The following NCKAP5 variants were observed in gnomAD, a reference collection of about 807,000 sequenced individuals.
The protein encoded by NCKAP5 is NCK associated protein 5.
In NCKAP5, 92 loss-of-function variants were observed where a neutral mutation model predicts 167.0. The ratio of observed to expected loss-of-function variants is 0.55; its 90% confidence interval spans 0.47 to 0.66. NCKAP5 has a LOEUF of 0.66. Ranked by LOEUF, NCKAP5 falls within the 30% of genes least tolerant of loss-of-function variation. The probability of loss-of-function intolerance (pLI) is 0.00; values close to 1 mark genes in which losing one functional copy is unlikely to be tolerated. For missense variants in NCKAP5, 2,378 were observed against 2,315.0 expected, an observed-to-expected ratio of 1.03 and a Z score of -0.56; for synonymous variants, 891 against 877.4, an observed-to-expected ratio of 1.02 and a Z score of -0.27.
At chr2:133,605,886 G>A in the NCKAP5 span, among the ~76,000 whole-genome samples, 1 of 152,180 alleles carries the variant, frequency 6.6e-6, no homozygotes, top group South Asian at 2.1e-4. Context: ...GAAAAGGGGG[G>A]CAGGAGGCTC....
chr2:133,325,828 T>C (rs2150696674), intron 3 of NCKAP5, among the ~76,000 whole-genome samples: 1 of 152,328 alleles, frequency 6.6e-6, no homozygotes, highest in East Asian at 1.9e-4. Flanking sequence ...GCCTCCCAAC[T>C]TCAGCATTTG....
At chr2:133,548,271 T>C (rs1404138475) in intron 2 of NCKAP5, among the ~76,000 whole-genome samples, 2 of 151,990 alleles carry the variant, frequency 1.3e-5, no homozygotes, top group Non-Finnish European at 2.9e-5. Context: ...CTGAAAGTGA[T>C]GGGGAGAATG....
chr2:133,564,010 T>G (rs908952960), intron 1 of NCKAP5, among the ~76,000 whole-genome samples: 1 of 152,154 alleles, frequency 6.6e-6, no homozygotes, highest in Non-Finnish European at 1.5e-5. Flanking sequence ...GGCAGGCACC[T>G]GTAATCACAG....
At chr2:133,130,516 A>G (rs561277331) in intron 5 of NCKAP5, among the ~76,000 whole-genome samples, 1 of 152,342 alleles carries the variant, frequency 6.6e-6, no homozygotes, top group East Asian at 1.9e-4. Context: ...ATATCCTTGA[A>G]AGAGAAAATT....
intron 7 of NCKAP5, 116 bp from the exon 8 acceptor site, chr2:132,963,985 T>A: frequency 8.5e-7 from 1 of 1,179,442 alleles, no homozygotes; most frequent in Non-Finnish European, 1.2e-6. Flanking sequence ...GGGCTGGGAG[T>A]TTGCTAAACA....
At chr2:132,909,342 T>C (rs1162362954) in intron 8 of NCKAP5, among the ~76,000 whole-genome samples, 1 of 152,012 alleles carries the variant, frequency 6.6e-6, no homozygotes, top group Non-Finnish European at 1.5e-5. Flanking sequence ...CAATACTCCA[T>C]CTCAAAAAAA....
chr2:132,996,488 C>G (rs947140290), intron 6 of NCKAP5, among the ~76,000 whole-genome samples: 25 of 152,190 alleles, frequency 1.6e-4, no homozygotes, highest in African/African-American at 5.1e-4. Flanking sequence ...ATATTTCAAC[C>G]CTCTTTTCAA....
intron 19 of NCKAP5, among the ~76,000 whole-genome samples, chr2:132,691,414 C>T (rs1369033048): frequency 6.6e-6 from 1 of 152,132 alleles, no homozygotes; most frequent in African/African-American, 2.4e-5. Flanking sequence ...TTCTTCTCCA[C>T]ACTATTTCTC....
intron 3 of NCKAP5, among the ~76,000 whole-genome samples, chr2:133,403,037 T>G (rs1384998994): frequency 6.6e-6 from 1 of 152,222 alleles, no homozygotes; most frequent in Non-Finnish European, 1.5e-5. Context: ...TGAAGAAAGA[T>G]TCCCAAGCTC....
chr2:133,437,766 T>C (rs1242176471), intron 3 of NCKAP5, among the ~76,000 whole-genome samples: 1 of 152,192 alleles, frequency 6.6e-6, no homozygotes, highest in African/African-American at 2.4e-5. Context: ...AGTTAAGTTA[T>C]TTAAACTCTC....
chr2:133,346,440 A>C (rs1053676648), intron 3 of NCKAP5, among the ~76,000 whole-genome samples: 1 of 152,210 alleles, frequency 6.6e-6, no homozygotes, highest in Non-Finnish European at 1.5e-5. Context: ...GAGACGTGTG[A>C]GATTAAGAGA....
rs1310664516 is a variant in NCKAP5, at chr2:133,455,225, AT to A, written c.69+62232del. On this transcript the variant is annotated intron_variant, in intron 3 of 19. Transcript: ENST00000409261. ...ATAATATCTCAAAGCCTTGACATCT[AT>A]TTTTTGTAAAGCCTAAAATGATACA... 2.6e-5 allele frequency among the ~76,000 whole-genome samples: 4 copies of A among 152,252 alleles called. No homozygotes were observed. The East Asian group carries it at 7.7e-4, about 29-fold the overall frequency.
intron 16 of NCKAP5, among the ~76,000 whole-genome samples, chr2:132,753,093 G>C (rs1355735803): frequency 1.3e-5 from 2 of 152,108 alleles, no homozygotes; most frequent in Non-Finnish European, 2.9e-5. Context: ...AAACACCCAG[G>C]ATCATGTTTG....
At chr2:133,024,392 T>C (rs1303874472) in intron 6 of NCKAP5, among the ~76,000 whole-genome samples, 1 of 152,226 alleles carries the variant, frequency 6.6e-6, no homozygotes, top group East Asian at 1.9e-4. Context: ...ATATCTTACA[T>C]AGCACTAAAA....
At chr2:133,261,670 C>T (rs1317770795) in intron 4 of NCKAP5, among the ~76,000 whole-genome samples, 1 of 152,142 alleles carries the variant, frequency 6.6e-6, no homozygotes, top group Non-Finnish European at 1.5e-5. Flanking sequence ...TTAATGTTAA[C>T]TGAAATGTCG....
chr2:133,232,601 A>G (rs1369559950), intron 4 of NCKAP5, among the ~76,000 whole-genome samples: 1 of 152,196 alleles, frequency 6.6e-6, no homozygotes, highest in Non-Finnish European at 1.5e-5. Context: ...TGACACCTTG[A>G]TAAATTAAAG....
At chr2:133,033,291 C>A (rs1481800777) in intron 6 of NCKAP5, among the ~76,000 whole-genome samples, 1 of 152,228 alleles carries the variant, frequency 6.6e-6, no homozygotes, top group Non-Finnish European at 1.5e-5. Context: ...GCAAGAACCA[C>A]AGTGTAACTG....
chr2:132,931,454 C>T (rs886433251), intron 8 of NCKAP5: 3 of 152,066 alleles, frequency 2.0e-5, no homozygotes, highest in Non-Finnish European at 2.9e-5. Flanking sequence ...CTGCCCGATT[C>T]GTGAATCATT....
chr2:133,235,472 C>A (rs1301860664), intron 4 of NCKAP5, among the ~76,000 whole-genome samples: 2 of 152,048 alleles, frequency 1.3e-5, no homozygotes, highest in East Asian at 1.9e-4. Flanking sequence ...CATGGTGGCT[C>A]ACACCTGTAA....
Sources: gnomAD v4.1 joint callset for allele counts (sites outside exome capture counted in the v4.1 genomes callset) on GRCh38, gnomAD v4.1.1 for gene constraint, MANE v1.5 for transcripts, NCBI Gene and HGNC (gene_info 2026-07-23, HGNC 2026-07-21) for gene names.